FER1L6: variants seen among roughly 807,000 people sequenced by gnomAD.
FER1L6 encodes fer-1 like family member 6.
Under a neutral mutation model 219.2 loss-of-function variants are expected in FER1L6, and 177 were observed. That is an observed-to-expected ratio of 0.81 (90% CI 0.71 to 0.91). The LOEUF (loss-of-function observed/expected upper bound fraction) is 0.91. Ranked by LOEUF, FER1L6 falls within the 40% of genes least tolerant of loss-of-function variation. The pLI is 0.00. For missense variants in FER1L6, 2,153 were observed against 2,259.9 expected (o/e 0.95, Z 0.96); for synonymous variants, 768 against 824.3 (o/e 0.93, Z 1.17).
At position 124,082,394 on chromosome 8, in the gene FER1L6, G is replaced by A. The variant is rs774302624; in HGVS notation, c.4327G>A (p.Asp1443Asn). ...TDDLIGETKIDLENRFYSKHR... is the reference protein window; with the variant it reads ...TDDLIGETKINLENRFYSKHR... ...TGACCTTATTGGTGAGACCAAGATC[G>A]ACCTGGAGAACCGCTTCTACAGCAA... Residue 1443 changes from aspartate (D) to asparagine (N), a missense_variant, in exon 33 of 41, where the codon GAC becomes AAC. By Grantham distance (23) the Asp-to-Asn change is conservative. Transcript: ENST00000522917. 1.1e-5 allele frequency: 18 copies of A among 1,613,902 alleles called. No individual in the cohort carries two copies. The Admixed American group carries it at 1.2e-4, about 10-fold the overall frequency.
intron 1 of FER1L6, among the ~76,000 whole-genome samples, chr8:123,936,429 T>C (rs1814003846): frequency 6.6e-6 from 1 of 151,788 alleles, no homozygotes; most frequent in African/African-American, 2.4e-5. Flanking sequence ...AGAAAGTACA[T>C]TGACATTTTT....
At chr8:124,082,208 C>A in intron 32 of FER1L6, 80 bp from the exon 33 acceptor site, 1 of 1,101,602 alleles carries the variant, frequency 9.1e-7, no homozygotes, top group Non-Finnish European at 1.3e-6. Context: ...GAATAGCGGG[C>A]TAGCTAAAAG....
chr8:123,863,422 G>T (rs1242392848), intron 1 of FER1L6, among the ~76,000 whole-genome samples: 1 of 41,742 alleles, frequency 2.4e-5, no homozygotes, highest in Non-Finnish European at 4.5e-5. Flanking sequence ...TTTTGGAATA[G>T]GTGTGGTGTG....
rs993376323 is a variant in FER1L6, at chr8:123,975,121, G to A, written c.527-29G>A. On this transcript the variant is annotated intron_variant, in intron 7 of 40. Transcript: ENST00000522917. ...TGGGGCTGCTGGGCCCATCTGTGAA[G>A]GATGTGAGCTGTCAGGGTGCTTTCA... 5 of 1,549,992 alleles carry A rather than the reference G, an allele frequency of 3.2e-6. No individual in the cohort carries two copies. In the African/African-American group the frequency reaches 6.9e-5, roughly 21 times the overall value.
intron 1 of FER1L6, among the ~76,000 whole-genome samples, chr8:123,864,343 G>T (rs1220293043): frequency 2.0e-5 from 3 of 149,072 alleles, no homozygotes; most frequent in Non-Finnish European, 3.0e-5. Context: ...TCTGCCTAGA[G>T]ATCCGCTGTT....
intron 14 of FER1L6, among the ~76,000 whole-genome samples, chr8:124,012,127 A>T (rs2130571588): frequency 6.6e-6 from 1 of 152,284 alleles, no homozygotes; most frequent in Middle Eastern, 3.4e-3. Flanking sequence ...TTACCAGATC[A>T]TCTTTGTCTT....
chr8:123,885,519 T>G (rs1161542745), intron 1 of FER1L6, among the ~76,000 whole-genome samples: 2 of 152,240 alleles, frequency 1.3e-5, no homozygotes. Context: ...AGTTTGCATC[T>G]AGTGACAGAC....
Position 124,119,731 on chromosome 8 carries a change from G to A in FER1L6, c.5515G>A (p.Val1839Ile), listed in dbSNP as rs367724676. ...FILIILIIFL[V>I]LFIYTLPGAI... Reference sequence around the variant, plus strand: ...TCTCATCATCCTCATCATCTTCCTCGTCCTTTTCATCTACACCTTGCCAGG... The same window carrying A: ...TCTCATCATCCTCATCATCTTCCTCATCCTTTTCATCTACACCTTGCCAGG... The change falls in exon 41 of 41, where the codon GTC becomes ATC. Residue 1839 changes from valine (V) to isoleucine (I), a missense_variant. Coordinates refer to ENST00000522917, the MANE Select transcript of FER1L6 (RefSeq NM_001039112.2). 36 of 1,613,320 alleles carry A rather than the reference G, an allele frequency of 2.2e-5. No homozygotes were observed. The highest frequency in any genetic ancestry group is 1.6e-4 in the Middle Eastern group (1 of 6,080).
intron 35 of FER1L6, among the ~76,000 whole-genome samples, chr8:124,095,943 C>T (rs1184759048): frequency 6.6e-6 from 1 of 152,198 alleles, no homozygotes; most frequent in Non-Finnish European, 1.5e-5. Context: ...AGGCAATTTG[C>T]ATCCCTGGCC....
In FER1L6 at chr8:123,963,377, C is replaced by T. The variant is rs372768782; in HGVS notation, c.176C>T (p.Pro59Leu). 4 of 1,613,992 alleles carry T rather than the reference C, an allele frequency of 2.5e-6. No homozygotes were observed. Among genetic ancestry groups the T allele is most frequent in the East Asian group, 2.2e-5 (1 of 44,898 alleles). ...GATGATGCTTCTATCTTTCCTGTCC[C>T]CTCAGCTTCTCCAAAGAGAAGGTAC... ...VHDDASIFPVPSASPKRRSKL... is the reference protein window; with the variant it reads ...VHDDASIFPVLSASPKRRSKL... The change falls in exon 3 of 41, where the codon CCC (proline) becomes CTC (leucine). Residue 59 changes from proline (P) to leucine (L), a missense_variant. Physicochemically the swap from Pro to Leu is moderately conservative, Grantham distance 98. Coordinates refer to ENST00000522917, the MANE Select transcript of FER1L6 (RefSeq NM_001039112.2).
At chr8:123,901,814 T>A (rs1173858664) in intron 1 of FER1L6, among the ~76,000 whole-genome samples, 1 of 151,360 alleles carries the variant, frequency 6.6e-6, no homozygotes, top group Non-Finnish European at 1.5e-5. Context: ...CACCTCCCGG[T>A]TTCACACCAT....
chr8:123,929,197 T>C (rs1276927159), intron 1 of FER1L6, among the ~76,000 whole-genome samples: 4 of 152,212 alleles, frequency 2.6e-5, no homozygotes, highest in Non-Finnish European at 5.9e-5. Context: ...TTTGATTCAT[T>C]CATTTAACAC....
chr8:123,952,208 C>T (rs1563703334), intron 1 of FER1L6, among the ~76,000 whole-genome samples: 1 of 152,184 alleles, frequency 6.6e-6, no homozygotes, highest in Non-Finnish European at 1.5e-5. Flanking sequence ...AGAAGAGGAG[C>T]CTGGAGCTCA....
chr8:124,106,133 A>G (rs1400998808), intron 39 of FER1L6, among the ~76,000 whole-genome samples: 1 of 152,028 alleles, frequency 6.6e-6, no homozygotes, highest in Non-Finnish European at 1.5e-5. Flanking sequence ...GTATAATTTA[A>G]AAGAGTGAAC....
rs777034590 is a variant in FER1L6 at position 124,060,216 on chromosome 8, G to A, written c.2911G>A (p.Glu971Lys). The change falls in exon 23 of 41, where the codon GAG (glutamate) becomes AAG (lysine). Residue 971 changes from glutamate to lysine, a missense_variant. Coordinates refer to ENST00000522917, the MANE Select transcript of FER1L6 (RefSeq NM_001039112.2). ...TGGGCTGCAAGGCCTCCCACCCGTT[G>A]AGCCACCAGACATCACCCAGATCTA... is the stretch of plus-strand genomic sequence containing the variant. ...PSGLQGLPPV[E>K]PPDITQIYPV... 3.7e-6 allele frequency: 6 copies of A among 1,613,530 alleles called. No homozygotes were observed. The Admixed American group carries it at 6.7e-5, about 18-fold the overall frequency.
intron 12 of FER1L6, among the ~76,000 whole-genome samples, chr8:124,000,578 G>A: frequency 6.6e-6 from 1 of 152,202 alleles, no homozygotes; most frequent in East Asian, 1.9e-4. Flanking sequence ...ATGTCTCTGA[G>A]TCTCGGTTTC....
chr8:123,853,800 C>T lies in FER1L6; in HGVS notation c.-8+1615C>T, dbSNP rs369931997. ...CACAGAGGCTGGTTTTCACTGAGAA[C>T]GATGTAAGAAGGAACAACATCGCGG... On this transcript the variant is annotated intron_variant, in intron 1 of 40. Coordinates refer to ENST00000522917, the MANE Select transcript of FER1L6 (RefSeq NM_001039112.2). This position sits in a 1 kb window ranked among gnomAD's most constrained non-coding sequence, Gnocchi z 6.6. Among the ~76,000 whole-genome samples the T allele has an allele frequency of 1.6e-4, 25 of 152,290 alleles. No homozygotes were observed. Among genetic ancestry groups the T allele is most frequent in the Middle Eastern group, 3.4e-3 (1 of 294 alleles).
At chr8:123,987,657 C>A (rs1365280635) in intron 12 of FER1L6, among the ~76,000 whole-genome samples, 10 of 152,150 alleles carry the variant, frequency 6.6e-5, no homozygotes, top group Admixed American at 6.5e-4. Context: ...AGTTTGAGGA[C>A]TTAGATTTAA....
At chr8:123,901,788 G>A (rs952847970) in intron 1 of FER1L6, among the ~76,000 whole-genome samples, 17 of 150,334 alleles carry the variant, frequency 1.1e-4, no homozygotes, top group African/African-American at 3.7e-4. Flanking sequence ...GTGTGATCTC[G>A]GCTCATTGCA....
Sources: gnomAD v4.1 joint callset for allele counts (sites outside exome capture counted in the v4.1 genomes callset) on GRCh38, gnomAD v4.1.1 for gene constraint, Gnocchi (gnomAD v3.1) non-coding constraint, MANE v1.5 for transcripts, NCBI Gene and HGNC (gene_info 2026-07-23, HGNC 2026-07-21) for gene names.